The following BCAR3 variants were observed in gnomAD, a reference collection of about 807,000 sequenced individuals.
BCAR3 encodes BCAR3 adaptor protein, NSP family member.
Under a neutral mutation model 80.1 loss-of-function variants are expected in BCAR3, and 37 were observed. That is an observed-to-expected ratio of 0.46 (90% CI 0.36 to 0.61). The LOEUF (loss-of-function observed/expected upper bound fraction) is 0.61. Among genes scored for constraint, BCAR3 ranks in the 20% least tolerant of loss-of-function variants. BCAR3 has a pLI of 0.00. For synonymous variants in BCAR3, 389 were observed against 418.9 expected, an observed-to-expected ratio of 0.93 and a Z score of 0.87; for missense variants, 978 against 1,068.2, an observed-to-expected ratio of 0.92 and a Z score of 1.18.
chr1:93,613,781 G>A (rs1675023318), intron 3 of BCAR3: 16 of 1,521,338 alleles, frequency 1.1e-5, no homozygotes, highest in Non-Finnish European at 1.3e-5. Context: ...TGCCCTTTAG[G>A]AAACTCATGC....
intron 2 of BCAR3, among the ~76,000 whole-genome samples, chr1:93,671,797 A>C (rs188701277): frequency 8.7e-4 from 133 of 152,332 alleles, no homozygotes; most frequent in Non-Finnish European, 1.1e-3. Flanking sequence ...GAATTCAGGC[A>C]GCTTATAATC....
chr1:93,745,446 CT>C (rs1309723901), intron 2 of BCAR3, among the ~76,000 whole-genome samples: 1 of 152,194 alleles, frequency 6.6e-6, no homozygotes, highest in Non-Finnish European at 1.5e-5. Flanking sequence ...CAAATGTTAG[CT>C]TCTTGAGCTG....
At chr1:93,845,989 C>T (rs1655162041) in intron 1 of BCAR3, among the ~76,000 whole-genome samples, 1 of 152,184 alleles carries the variant, frequency 6.6e-6, no homozygotes, top group Non-Finnish European at 1.5e-5. Flanking sequence ...TGTTAGTTTG[C>T]AAACATAACA....
chr1:93,715,214 G>A (rs1285654760), intron 2 of BCAR3, among the ~76,000 whole-genome samples: 1 of 152,188 alleles, frequency 6.6e-6, no homozygotes, highest in East Asian at 1.9e-4. Flanking sequence ...ATGTCTGGCA[G>A]TTCATCACCC....
At chr1:93,671,349 A>G (rs1648195092) in intron 2 of BCAR3, among the ~76,000 whole-genome samples, 1 of 152,174 alleles carries the variant, frequency 6.6e-6, no homozygotes, top group African/African-American at 2.4e-5. Context: ...GGAAAAGAGC[A>G]AACTTGCAAC....
At chr1:93,825,630 C>G (rs1300288886) in intron 2 of BCAR3, among the ~76,000 whole-genome samples, 2 of 81,856 alleles carry the variant, frequency 2.4e-5, no homozygotes, top group Non-Finnish European at 6.4e-5. Context: ...CTACTTTGAG[C>G]TCGGCCTTCC....
intron 2 of BCAR3, among the ~76,000 whole-genome samples, chr1:93,817,026 G>A (rs1278148067): frequency 6.6e-6 from 1 of 152,164 alleles, no homozygotes; most frequent in Non-Finnish European, 1.5e-5. Context: ...CTGAGCTTGG[G>A]AGGGCAATAA....
intron 1 of BCAR3, among the ~76,000 whole-genome samples, chr1:93,676,491 G>C (rs12084898): frequency 0.3 from 45,164 of 151,860 alleles, 10,107 homozygotes; most frequent in African/African-American, 0.64. Flanking sequence ...AATTCTGGGG[G>C]CTGCCTGCTC....
intron 2 of BCAR3, among the ~76,000 whole-genome samples, chr1:93,663,518 A>G (rs1268961676): frequency 6.6e-6 from 1 of 152,214 alleles, no homozygotes; most frequent in Non-Finnish European, 1.5e-5. Context: ...GAGGTCAGGA[A>G]AGGCAGGATT....
rs568922430 is a variant in BCAR3 at position 93,694,991 on chromosome 1, C to T, written c.-12+11101G>A. Among the ~76,000 whole-genome samples, 21 of 152,352 alleles carry T rather than the reference C, an allele frequency of 1.4e-4. No homozygotes were observed. The South Asian group carries it at 4.2e-3, about 30-fold the overall frequency. On this transcript the variant is annotated intron_variant, in intron 3 of 13. Transcript: ENST00000370244. ...TGGGCCTTGTTATTCCCTGGGACTGCTCCTCCCCTGACATCGTCAGGCCAA... is the reference window on the plus strand; with the variant it reads ...TGGGCCTTGTTATTCCCTGGGACTGTTCCTCCCCTGACATCGTCAGGCCAA...
chr1:93,837,967 C>T (rs1301349523), intron 2 of BCAR3, among the ~76,000 whole-genome samples: 1 of 152,184 alleles, frequency 6.6e-6, no homozygotes, highest in Non-Finnish European at 1.5e-5. Context: ...CTAGCATGGA[C>T]TCTTGTTAGG....
At chr1:93,765,673 T>A (rs886093400) in intron 2 of BCAR3, among the ~76,000 whole-genome samples, 2 of 140,942 alleles carry the variant, frequency 1.4e-5, no homozygotes, top group African/African-American at 5.2e-5. Flanking sequence ...TTCTTAGCAA[T>A]TTTTTTTTTT....
intron 5 of BCAR3, among the ~76,000 whole-genome samples, chr1:93,588,721 G>A (rs1174551427): frequency 7.0e-6 from 1 of 142,350 alleles, no homozygotes; most frequent in Non-Finnish European, 1.5e-5. Flanking sequence ...CATCAGACCA[G>A]CCTAAGTCTA....
intron 2 of BCAR3, among the ~76,000 whole-genome samples, chr1:93,707,395 A>G (rs1352385957): frequency 6.6e-6 from 1 of 152,146 alleles, no homozygotes; most frequent in Non-Finnish European, 1.5e-5. Flanking sequence ...CAAAATCCGC[A>G]TTAAATAATT....
chr1:93,838,577 T>G (rs909524590), intron 2 of BCAR3, among the ~76,000 whole-genome samples: 1 of 152,182 alleles, frequency 6.6e-6, no homozygotes, highest in Non-Finnish European at 1.5e-5. Context: ...ACCTCTCCAT[T>G]ACTAGTGTTG....
chr1:93,693,808 G>A lies in BCAR3; in HGVS notation c.-12+12284C>T, dbSNP rs533135143. Among the ~76,000 whole-genome samples, 167 of 152,270 alleles carry A rather than the reference G, an allele frequency of 1.1e-3. 1 individual carries two copies. Among genetic ancestry groups the A allele is most frequent in the Middle Eastern group, 3.4e-3 (1 of 294 alleles). ...GAAACTCGAAAGTAGCTCCAGGGAC[G>A]CTCACCTCTTGTGCTCCTATCCCAC... On this transcript the variant is annotated intron_variant, in intron 3 of 13. Transcript: ENST00000370244.
rs1647220498 is a variant in BCAR3, at chr1:93,653,560, A to G, written c.318-11217T>C. Among the ~76,000 whole-genome samples, 4 of 152,220 alleles carry G rather than the reference A, an allele frequency of 2.6e-5. No individual in the cohort carries two copies. The South Asian group carries it at 8.3e-4, about 32-fold the overall frequency. ...AGCCCACAAACATCATCAAGCATCTATAATATGCCATGCACTAGGCTAGAC... is the reference window on the plus strand; with the variant it reads ...AGCCCACAAACATCATCAAGCATCTGTAATATGCCATGCACTAGGCTAGAC... On this transcript the variant is annotated intron_variant, in intron 2 of 11. Transcript: ENST00000260502.
At chr1:93,565,433 G>A (rs889427710) in intron 11 of BCAR3, among the ~76,000 whole-genome samples, 1 of 152,136 alleles carries the variant, frequency 6.6e-6, no homozygotes, top group African/African-American at 2.4e-5. Context: ...GGTCTATGCT[G>A]GTGAGCAGAT....
rs112840205 is a variant in BCAR3, at chr1:93,652,125, T to C, written c.318-9782A>G. Among the ~76,000 whole-genome samples the C allele has an allele frequency of 2.0e-3, 304 of 152,326 alleles. 2 individuals carry two copies. The highest frequency in any genetic ancestry group is 6.7e-3 in the African/African-American group (278 of 41,566). On this transcript the variant is annotated intron_variant, in intron 2 of 11. Transcript: ENST00000260502. ...GACTAAAGTTCCCTCTTAGTGCTGCTCCCAGGTGAACCCAGCAAGGCCTGC... is the reference window on the plus strand; with the variant it reads ...GACTAAAGTTCCCTCTTAGTGCTGCCCCCAGGTGAACCCAGCAAGGCCTGC...
Sources: gnomAD v4.1 joint callset for allele counts (sites outside exome capture counted in the v4.1 genomes callset) on GRCh38, gnomAD v4.1.1 for gene constraint, MANE v1.5 for transcripts, NCBI Gene and HGNC (gene_info 2026-07-23, HGNC 2026-07-21) for gene names.